Variants in STAB2 observed in about 807,000 individuals in gnomAD.
STAB2 encodes stabilin-2.
A neutral mutation model predicts 338.1 loss-of-function variants in STAB2; 288 were observed. The observed-to-expected ratio is 0.85, with a 90% CI of 0.77 to 0.94. The LOEUF (loss-of-function observed/expected upper bound fraction) is 0.94. Ranked by LOEUF, STAB2 falls within the 40% of genes least tolerant of loss-of-function variation. The pLI, the probability that STAB2 is intolerant of heterozygous loss-of-function variation, is 0.00. For missense variants in STAB2, 3,141 were observed against 3,210.1 expected, an observed-to-expected ratio of 0.98 and a Z score of 0.52; for synonymous variants, 1,202 against 1,193.3, an observed-to-expected ratio of 1.01 and a Z score of -0.15.
chr12:103,709,874 C>G (rs1445694147), intron 39 of STAB2, among the ~76,000 whole-genome samples: 1 of 152,124 alleles, frequency 6.6e-6, no homozygotes, highest in Non-Finnish European at 1.5e-5. Context: ...ACAATAGGCT[C>G]TCTCCTCTTC....
chr12:103,664,139 T>C (rs1874868821), intron 18 of STAB2, among the ~76,000 whole-genome samples: 1 of 81,832 alleles, frequency 1.2e-5, no homozygotes, highest in African/African-American at 3.5e-5. Flanking sequence ...TTTTTGTTTG[T>C]TTGTTTTGTT....
At chr12:103,622,912 A>G (rs1025803184) in intron 5 of STAB2, among the ~76,000 whole-genome samples, 1 of 152,154 alleles carries the variant, frequency 6.6e-6, no homozygotes, top group Admixed American at 6.5e-5. Flanking sequence ...GGCCCCACCT[A>G]ATTCTAATGG....
At chr12:103,627,944 C>T (rs757031048) in intron 5 of STAB2, among the ~76,000 whole-genome samples, 8 of 152,162 alleles carry the variant, frequency 5.3e-5, no homozygotes, top group African/African-American at 1.7e-4. Context: ...TGTTGTATAC[C>T]TAGTGCCTAA....
chr12:103,678,740 C>G (rs1210512962), intron 25 of STAB2, among the ~76,000 whole-genome samples: 1 of 152,022 alleles, frequency 6.6e-6, no homozygotes, highest in Non-Finnish European at 1.5e-5. Context: ...CCATGTTGGT[C>G]AGGCTGGTCT....
intron 6 of STAB2, among the ~76,000 whole-genome samples, chr12:103,633,155 G>T (rs831685): frequency 0.97 from 147,230 of 152,224 alleles, 71,307 homozygotes; most frequent in African/African-American, 0.99. Flanking sequence ...ACTCCTGCCA[G>T]TGTGCAGTGG....
At chr12:103,672,543 G>T (rs703642) in intron 22 of STAB2, among the ~76,000 whole-genome samples, 1 of 151,898 alleles carries the variant, frequency 6.6e-6, no homozygotes, top group African/African-American at 2.4e-5. Flanking sequence ...GATTTTCCAG[G>T]CCCGCTCACT....
chr12:103,694,935 A>G (rs1052871175), intron 31 of STAB2, among the ~76,000 whole-genome samples: 1 of 152,104 alleles, frequency 6.6e-6, no homozygotes, highest in African/African-American at 2.4e-5. Flanking sequence ...GGTGGAGCCT[A>G]TAATGAAAGT....
intron 9 of STAB2, among the ~76,000 whole-genome samples, chr12:103,642,278 T>C (rs931596764): frequency 6.6e-6 from 1 of 152,210 alleles, no homozygotes; most frequent in Non-Finnish European, 1.5e-5. Context: ...ATGTAGGAAG[T>C]AAGGGACAGT....
chr12:103,766,106 C>T, intron 68 of STAB2, 180 bp from the exon 69 acceptor site: 1 of 794,288 alleles, frequency 1.3e-6, no homozygotes, highest in Non-Finnish European at 2.1e-6. Context: ...AAACAGGTGG[C>T]CCTACCCCCA....
chr12:103,703,088 T>C, intron 34 of STAB2, 60 bp from the exon 35 acceptor site: 1 of 1,566,626 alleles, frequency 6.4e-7, no homozygotes, highest in South Asian at 1.2e-5. Flanking sequence ...CTCCACTTCC[T>C]ATCTTTTCCA....
intron 43 of STAB2, 111 bp from the exon 44 acceptor site, chr12:103,717,659 C>T: frequency 1.2e-6 from 1 of 806,398 alleles, no homozygotes. Context: ...CAAATAGAGA[C>T]TCTCCTAACA....
rs764055552 is a variant in STAB2 at position 103,660,758 on chromosome 12, G to A, written c.1864G>A (p.Asp622Asn). 37 of 1,613,664 alleles carry A rather than the reference G, an allele frequency of 2.3e-5. No homozygotes were observed. The highest frequency in any genetic ancestry group is 1.2e-4 in the Admixed American group (7 of 59,968). The change falls in exon 17 of 69, where the codon GAC becomes AAC. Residue 622 changes from aspartate to asparagine, a missense_variant. Coordinates refer to ENST00000388887, the MANE Select transcript of STAB2 (RefSeq NM_017564.10). ...CCAGCTCATACAGTTCAACACCACC[G>A]ACAATGTAAGTGAAAACTCAACCAC... ...ANQLIQFNTTDNGQILANDVA... is the reference protein window; with the variant it reads ...ANQLIQFNTTNNGQILANDVA...
At chr12:103,750,974 C>T (rs973144514) in intron 60 of STAB2, among the ~76,000 whole-genome samples, 2 of 152,208 alleles carry the variant, frequency 1.3e-5, no homozygotes, top group Non-Finnish European at 2.9e-5. Flanking sequence ...CGCCTGTAAT[C>T]CCAGCTACTT....
At position 103,669,582 on chromosome 12, in the gene STAB2, C is replaced by T; in HGVS notation, c.2214C>T (p.Asn738=). The change falls in exon 21 of 69, where the codon AAC becomes AAT. Residue 738 remains asparagine (N), a synonymous_variant. Transcript: ENST00000388887. ...AAGGCTTCTATGGACCTGACTGCAA[C>T]CAGTGTCCAGGAGGCTTCTCAAATC... ...CCKGFYGPDC[N]QCPGGFSNPC... The T allele has an allele frequency of 6.2e-7, 1 of 1,614,190 alleles. No homozygotes were observed. The highest frequency in any genetic ancestry group is 2.2e-5 in the East Asian group (1 of 44,886).
At chr12:103,754,785 A>G (rs577251905) in intron 61 of STAB2, among the ~76,000 whole-genome samples, 10 of 152,058 alleles carry the variant, frequency 6.6e-5, no homozygotes, top group Non-Finnish European at 1.3e-4. Context: ...AATCTCTACT[A>G]AAATACAAAA....
Position 103,654,694 on chromosome 12 carries a change from ATGAGGTGAGTAT to A in STAB2, c.1549_1551+9del, listed in dbSNP as rs1565987554. 6.2e-7 allele frequency: 1 copy of A among 1,613,630 alleles called. No homozygotes were observed. The highest frequency in any genetic ancestry group is 1.1e-5 in the South Asian group (1 of 90,916). On this transcript the variant is annotated splice_donor_variant and splice_donor_5th_base_variant and coding_sequence_variant and intron_variant, in exon 13 of 69. Coordinates refer to ENST00000388887, the MANE Select transcript of STAB2 (RefSeq NM_017564.10). LOFTEE classifies it high-confidence loss of function. Reference sequence around the variant, plus strand: ...TTAGAACCCACATTTGAGAGCAACAATGAGGTGAGTATTCAGATAAAAGTCACATCAGGCCAG... The same window carrying A: ...TTAGAACCCACATTTGAGAGCAACAATCAGATAAAAGTCACATCAGGCCAG...
At chr12:103,707,041 T>C in intron 38 of STAB2, 54 bp downstream of exon 38, 1 of 1,590,314 alleles carries the variant, frequency 6.3e-7, no homozygotes. Flanking sequence ...CAACCAGGAA[T>C]ATGCAGGGAA....
At chr12:103,666,124 T>C (rs981490202) in intron 18 of STAB2, among the ~76,000 whole-genome samples, 167 bp from the exon 19 acceptor site, 21 of 152,202 alleles carry the variant, frequency 1.4e-4, no homozygotes, top group African/African-American at 5.1e-4. Context: ...ACTTCACTCC[T>C]TCTCCCACGG....
At chr12:103,660,638 G>T (rs200938200) in intron 16 of STAB2, 45 bp from the exon 17 acceptor site, 1 of 1,589,648 alleles carries the variant, frequency 6.3e-7, no homozygotes. Flanking sequence ...AGGGCCCTGC[G>T]TGTGGTCCCA....
Sources: gnomAD v4.1 joint callset for allele counts (sites outside exome capture counted in the v4.1 genomes callset) on GRCh38, gnomAD v4.1.1 for gene constraint, MANE v1.5 for transcripts, NCBI Gene and HGNC (gene_info 2026-07-23, HGNC 2026-07-21) for gene names.